The following SCHIP1 variants were observed in gnomAD, a reference collection of about 807,000 sequenced individuals.
SCHIP1 encodes schwannomin interacting protein 1, also known as schwannomin-interacting protein 1.
In SCHIP1, 8 loss-of-function variants were observed where a neutral mutation model predicts 29.7. The observed-to-expected ratio is 0.27, with a 90% CI of 0.16 to 0.49. The LOEUF (loss-of-function observed/expected upper bound fraction) is 0.49. SCHIP1 is among the 20% of genes least tolerant of loss of function. The pLI is 0.99. For missense variants in SCHIP1, 193 were observed against 294.6 expected, an observed-to-expected ratio of 0.66 and a Z score of 2.52; for synonymous variants, 76 against 94.9, an observed-to-expected ratio of 0.80 and a Z score of 1.16.
chr3:159,618,046 G>A, the SCHIP1 span, among the ~76,000 whole-genome samples: 2 of 152,164 alleles, frequency 1.3e-5, no homozygotes, highest in Non-Finnish European at 2.9e-5. Flanking sequence ...AAAAAGTTGT[G>A]AACTCAGAAT....
At chr3:159,585,729 A>G in the SCHIP1 span, among the ~76,000 whole-genome samples, 4 of 152,220 alleles carry the variant, frequency 2.6e-5, no homozygotes, top group African/African-American at 9.6e-5. Context: ...TGAAAGAGAT[A>G]GAACTTGAAT....
chr3:159,728,613 T>A, the SCHIP1 span, among the ~76,000 whole-genome samples: 1 of 152,156 alleles, frequency 6.6e-6, no homozygotes, highest in South Asian at 2.1e-4. Context: ...TCTTTCCCAG[T>A]GAGGCTGGGA....
chr3:159,678,847 G>A, the SCHIP1 span, among the ~76,000 whole-genome samples: 4 of 152,166 alleles, frequency 2.6e-5, no homozygotes, highest in African/African-American at 9.7e-5. Context: ...GGAAAGGCGG[G>A]GGAAACCCCT....
chr3:159,304,296 G>A, the SCHIP1 span, among the ~76,000 whole-genome samples: 1 of 152,016 alleles, frequency 6.6e-6, no homozygotes. Flanking sequence ...TACATTATCT[G>A]GGGTTTTAAG....
the SCHIP1 span, among the ~76,000 whole-genome samples, chr3:159,699,866 A>C: frequency 1.1e-4 from 17 of 152,356 alleles, no homozygotes; most frequent in South Asian, 3.3e-3. Flanking sequence ...TGACTCATGA[A>C]AGGCACAATA....
the SCHIP1 span, among the ~76,000 whole-genome samples, chr3:159,623,352 A>G: frequency 6.6e-6 from 1 of 152,160 alleles, no homozygotes; most frequent in Non-Finnish European, 1.5e-5. Context: ...ATGTTGTTTG[A>G]ATAACAAGAA....
At chr3:159,728,789 A>G in the SCHIP1 span, among the ~76,000 whole-genome samples, 1 of 152,230 alleles carries the variant, frequency 6.6e-6, no homozygotes, top group Non-Finnish European at 1.5e-5. Context: ...GGGGACAGTT[A>G]GAAACAGAAT....
chr3:159,820,977 A>G, the SCHIP1 span, among the ~76,000 whole-genome samples: 1 of 152,238 alleles, frequency 6.6e-6, no homozygotes, highest in Non-Finnish European at 1.5e-5. Context: ...CACTTAAAAC[A>G]TGGCTAGTGC....
the SCHIP1 span, among the ~76,000 whole-genome samples, chr3:159,637,418 CACA>C: frequency 1.4e-5 from 2 of 145,416 alleles, no homozygotes; most frequent in African/African-American, 5.5e-5. Context: ...CACACACACA[CACA>C]CCTGACTCTT....
the SCHIP1 span, among the ~76,000 whole-genome samples, chr3:159,419,150 G>C: frequency 7.6e-4 from 116 of 152,328 alleles, 1 homozygote; most frequent in South Asian, 3.3e-3. Flanking sequence ...CCACGAACTT[G>C]TGTTTAAAGG....
At chr3:159,673,540 T>C in the SCHIP1 span, among the ~76,000 whole-genome samples, 1 of 152,186 alleles carries the variant, frequency 6.6e-6, no homozygotes, top group African/African-American at 2.4e-5. Flanking sequence ...AGACAACAGG[T>C]TCCTGGAGGA....
the SCHIP1 span, among the ~76,000 whole-genome samples, chr3:159,451,778 A>G: frequency 3.3e-5 from 5 of 152,192 alleles, no homozygotes; most frequent in Non-Finnish European, 7.3e-5. Flanking sequence ...TCTGCTTTAT[A>G]TAAAGCAGAA....
At chr3:159,418,945 G>A in the SCHIP1 span, among the ~76,000 whole-genome samples, 1 of 152,214 alleles carries the variant, frequency 6.6e-6, no homozygotes, top group Non-Finnish European at 1.5e-5. Context: ...TGTACTGTGT[G>A]GGTTTAAGTA....
chr3:159,828,351 A>T, the SCHIP1 span, among the ~76,000 whole-genome samples: 1 of 145,812 alleles, frequency 6.9e-6, no homozygotes, highest in African/African-American at 2.5e-5. Flanking sequence ...AATTAGCATT[A>T]GTGTAACCTT....
chr3:159,716,988 G>A, the SCHIP1 span, among the ~76,000 whole-genome samples: 1 of 152,170 alleles, frequency 6.6e-6, no homozygotes, highest in East Asian at 1.9e-4. Context: ...ATTGTAGGAA[G>A]TAAAGCACTC....
the SCHIP1 span, among the ~76,000 whole-genome samples, chr3:159,323,220 T>C: frequency 1.3e-5 from 2 of 152,238 alleles, no homozygotes; most frequent in Non-Finnish European, 2.9e-5. Context: ...TTTAGATTTT[T>C]AAAAAGTAAT....
At chr3:159,527,597 C>A in the SCHIP1 span, among the ~76,000 whole-genome samples, 2 of 152,084 alleles carry the variant, frequency 1.3e-5, no homozygotes, top group African/African-American at 2.4e-5. Context: ...CTATTAGAAG[C>A]TTTGTTTTTT....
chr3:159,796,161 A>C, the SCHIP1 span, among the ~76,000 whole-genome samples: 1 of 152,202 alleles, frequency 6.6e-6, no homozygotes, highest in Non-Finnish European at 1.5e-5. Flanking sequence ...CACAGTGTAG[A>C]AGATGGAATG....
At chr3:159,548,424 G>C in the SCHIP1 span, among the ~76,000 whole-genome samples, 1 of 151,990 alleles carries the variant, frequency 6.6e-6, no homozygotes, top group South Asian at 2.1e-4. Context: ...AAGAGCTACA[G>C]AATCTATATT....
Sources: gnomAD v4.1 joint callset for allele counts (sites outside exome capture counted in the v4.1 genomes callset) on GRCh38, gnomAD v4.1.1 for gene constraint, MANE v1.5 for transcripts, NCBI Gene and HGNC (gene_info 2026-07-23, HGNC 2026-07-21) for gene names.